Variants in COL14A1 observed in about 807,000 individuals in gnomAD.
The protein encoded by COL14A1 is collagen alpha-1(XIV) chain.
COL14A1 carries 136 observed loss-of-function variants against 230.3 expected under a neutral mutation model. The observed-to-expected ratio is 0.59, with a 90% confidence interval of 0.51 to 0.68. The LOEUF (loss-of-function observed/expected upper bound fraction) is 0.68. Ranked by LOEUF, COL14A1 falls within the 30% of genes least tolerant of loss-of-function variation. The pLI, the probability that COL14A1 is intolerant of heterozygous loss-of-function variation, is 0.00. For missense variants in COL14A1, 1,976 were observed against 2,215.8 expected (o/e 0.89, Z 2.17); for synonymous variants, 792 against 784.1 (o/e 1.01, Z -0.17).
chr8:120,243,841 G>A (rs375051974), intron 19 of COL14A1, 38 bp from the exon 20 acceptor site: 1 of 1,604,642 alleles, frequency 6.2e-7, no homozygotes, highest in Non-Finnish European at 8.5e-7. Flanking sequence ...GTGGAAACGG[G>A]TCTCACTAAG....
intron 46 of COL14A1, 36 bp downstream of exon 46, chr8:120,367,284 A>G: frequency 1.3e-6 from 2 of 1,517,350 alleles, no homozygotes; most frequent in Non-Finnish European, 1.8e-6. Context: ...CTGCAAATGT[A>G]TATTTTTATA....
At position 120,196,861 on chromosome 8, in the gene COL14A1, T is replaced by C; in HGVS notation, c.507T>C (p.Ile169=). 6.2e-7 allele frequency: 1 copy of C among 1,614,154 alleles called. No individual in the cohort carries two copies. Among genetic ancestry groups the C allele is most frequent in the Non-Finnish European group, 8.5e-7 (1 of 1,180,000 alleles). ...IVILVDGSWS[I]GRFNFRLVRH... is the part of the protein sequence containing the mutation. The stretch of plus-strand genomic sequence containing the variant: ...TCCTGGTCGATGGTTCATGGAGTAT[T>C]GGAAGATTCAACTTCAGACTGGTTC... Residue 169 remains isoleucine (I), a synonymous_variant, in exon 6 of 48, where the codon ATT becomes ATC. Coordinates refer to ENST00000297848, the MANE Select transcript of COL14A1 (RefSeq NM_021110.4).
chr8:120,291,559 C>CAAAAAAA (rs375963111), intron 34 of COL14A1, among the ~76,000 whole-genome samples: 3 of 41,622 alleles, frequency 7.2e-5, no homozygotes, highest in Admixed American at 2.9e-4. Flanking sequence ...GACTCCATCT[C>CAAAAAAA]AAAAAAAAAA....
intron 40 of COL14A1, among the ~76,000 whole-genome samples, chr8:120,326,189 C>G (rs1821663200): frequency 6.6e-6 from 1 of 152,182 alleles, no homozygotes; most frequent in Non-Finnish European, 1.5e-5. Flanking sequence ...TAGGGAGACT[C>G]ATGCCATGGA....
At chr8:120,261,188 G>C (rs1016310168) in intron 23 of COL14A1, among the ~76,000 whole-genome samples, 2 of 152,082 alleles carry the variant, frequency 1.3e-5, no homozygotes, top group African/African-American at 4.8e-5. Context: ...TTGTATAGAG[G>C]TATGAAAATA....
chr8:120,317,794 G>C (rs1222040367), intron 40 of COL14A1, among the ~76,000 whole-genome samples: 15 of 152,156 alleles, frequency 9.9e-5, no homozygotes, highest in African/African-American at 2.4e-5. Flanking sequence ...CCAAATGTGT[G>C]TTCCTCTATA....
Position 120,179,522 on chromosome 8 carries a change from G to A in COL14A1, c.436+11275G>A, listed in dbSNP as rs117927583. On this transcript the variant is annotated intron_variant, in intron 5 of 47. Coordinates refer to ENST00000297848, the MANE Select transcript of COL14A1 (RefSeq NM_021110.4). ...TCTTCAAGGAGAACTACAAATTACC[G>A]CTCAAGGAAATAAGAGAGGACACAA... Among the ~76,000 whole-genome samples, 495 of 152,206 alleles carry A rather than the reference G, an allele frequency of 3.3e-3. 16 individuals carry two copies. The East Asian group carries it at 0.081, about 25-fold the overall frequency.
At chr8:120,268,460 A>G (rs538696915) in intron 25 of COL14A1, among the ~76,000 whole-genome samples, 1 of 151,826 alleles carries the variant, frequency 6.6e-6, no homozygotes, top group East Asian at 1.9e-4. Context: ...TTCCGTAAAC[A>G]TTCATGAATG....
chr8:120,273,718 C>T (rs150078831), intron 26 of COL14A1, among the ~76,000 whole-genome samples: 25 of 151,072 alleles, frequency 1.7e-4, no homozygotes, highest in African/African-American at 6.1e-4. Flanking sequence ...CTGGAAACAA[C>T]AACCCCCCTA....
chr8:120,262,454 A>G (rs1476420536), intron 23 of COL14A1, among the ~76,000 whole-genome samples: 27 of 152,244 alleles, frequency 1.8e-4, no homozygotes, highest in Admixed American at 1.8e-3. Flanking sequence ...CCTGGATGAC[A>G]GAGTGGGACT....
At position 120,351,393 on chromosome 8, in the gene COL14A1, A is replaced by G. The variant is rs1037174689; in HGVS notation, c.5077+5830A>G. On this transcript the variant is annotated intron_variant, in intron 45 of 47. Coordinates refer to ENST00000297848, the MANE Select transcript of COL14A1 (RefSeq NM_021110.4). ...GGCAAGACATAACTAAAATCAGAGC[A>G]GAACTGAAGGAAATAGAGACACAAA... 1.4e-4 allele frequency among the ~76,000 whole-genome samples: 20 copies of G among 139,026 alleles called. No homozygotes were observed. The South Asian group carries it at 2.7e-3, about 19-fold the overall frequency. 91.2% of individuals were successfully genotyped at this position (139,026 alleles called of 152,430 possible). A position where few individuals can be genotyped will look rare whatever the true frequency, so the allele number is the denominator to read the frequency against.
At chr8:120,236,636 A>G (rs1238068506) in intron 19 of COL14A1, among the ~76,000 whole-genome samples, 5 of 152,122 alleles carry the variant, frequency 3.3e-5, no homozygotes, top group Non-Finnish European at 7.3e-5. Flanking sequence ...TAATATTGTT[A>G]TGTGTGAATT....
Position 120,262,946 on chromosome 8 carries a change from A to G in COL14A1, c.2948A>G (p.Tyr983Cys). 1 of 1,613,798 alleles carries G rather than the reference A, an allele frequency of 6.2e-7. No individual in the cohort carries two copies. The highest frequency in any genetic ancestry group is 8.5e-7 in the Non-Finnish European group (1 of 1,179,856). Residue 983 changes from tyrosine (Y) to cysteine (C), a missense_variant, in exon 24 of 48, where the codon TAT becomes TGT. Physicochemically the swap from Tyr to Cys is radical, Grantham distance 194. Around this residue, in one of 3 missense-constraint regions of COL14A1, gnomAD observed 1,791 missense variants for 2,019.5 expected, o/e 0.89. Transcript: ENST00000297848. ...TATGGACTTCAGCCTGATTCTGAAT[A>G]TAAAATCAGTGTTTATACAAAGCTC... ...CFYGLQPDSE[Y>C]KISVYTKLQE...
At chr8:120,368,606 CA>C (rs11342918) in intron 46 of COL14A1, among the ~76,000 whole-genome samples, 69,223 of 118,358 alleles carry the variant, frequency 0.58, 17,537 homozygotes, top group African/African-American at 0.67. Context: ...GCATACAAGC[CA>C]AAAAAAAAAA....
chr8:120,203,321 G>A (rs1160576792), intron 8 of COL14A1, among the ~76,000 whole-genome samples: 13 of 148,442 alleles, frequency 8.8e-5, no homozygotes, highest in Admixed American at 8.2e-4. Flanking sequence ...CAGAAGTGGG[G>A]AGGGTAACTG....
At chr8:120,336,521 T>C (rs935367134) in intron 42 of COL14A1, among the ~76,000 whole-genome samples, 5 of 152,186 alleles carry the variant, frequency 3.3e-5, no homozygotes, top group African/African-American at 1.2e-4. Context: ...GAGGCTCTCA[T>C]TGGCCCCCTG....
At chr8:120,243,856 C>T (rs1208503224) in intron 19 of COL14A1, 23 bp from the exon 20 acceptor site, 1 of 1,610,508 alleles carries the variant, frequency 6.2e-7, no homozygotes, top group Non-Finnish European at 8.5e-7. Context: ...ACTAAGACTG[C>T]AGTCCTTTGC....
At position 120,212,566 on chromosome 8, in the gene COL14A1, A is replaced by G; in HGVS notation, c.1586A>G (p.Gln529Arg). 6.2e-7 allele frequency: 1 copy of G among 1,613,512 alleles called. No homozygotes were observed. Among genetic ancestry groups the G allele is most frequent in the Non-Finnish European group, 8.5e-7 (1 of 1,179,536 alleles). Reference sequence around the variant, plus strand: ...GAGGCCAGTGATCCTGTTACGGGACAAGAAACAACATGTGAGCAGCACAGC... The same window carrying G: ...GAGGCCAGTGATCCTGTTACGGGACGAGAAACAACATGTGAGCAGCACAGC... ...GEEASDPVTGQETTLALSPPR... is the reference protein window; with the variant it reads ...GEEASDPVTGRETTLALSPPR... Residue 529 changes from glutamine (Q) to arginine (R), a missense_variant, in exon 13 of 48, where the codon CAA (glutamine) becomes CGA (arginine). Transcript: ENST00000297848.
intron 37 of COL14A1, among the ~76,000 whole-genome samples, chr8:120,312,082 G>A (rs1821061943): frequency 6.6e-6 from 1 of 151,900 alleles, no homozygotes; most frequent in African/African-American, 2.4e-5. Context: ...GGGCAAGACA[G>A]GGCAAGACTC....
Sources: gnomAD v4.1 joint callset for allele counts (sites outside exome capture counted in the v4.1 genomes callset) on GRCh38, gnomAD v4.1.1 for gene constraint, gnomAD v4.1.1 regional missense constraint, MANE v1.5 for transcripts, NCBI Gene and HGNC (gene_info 2026-07-23, HGNC 2026-07-21) for gene names.